Variants in NAALADL2 observed in about 807,000 individuals in gnomAD.
The protein encoded by NAALADL2 is inactive N-acetylated-alpha-linked acidic dipeptidase-like protein 2.
Under a neutral mutation model 87.2 loss-of-function variants are expected in NAALADL2, and 76 were observed. The ratio of observed to expected loss-of-function variants is 0.87; its 90% CI spans 0.72 to 1.05. The LOEUF (loss-of-function observed/expected upper bound fraction) is 1.05. Ranked by LOEUF, NAALADL2 falls within the 50% of genes least tolerant of loss-of-function variation. The pLI is 0.00. For missense variants in NAALADL2, 1,089 were observed against 945.8 expected, an observed-to-expected ratio of 1.15 and a Z score of -1.99; for synonymous variants, 354 against 331.0, an observed-to-expected ratio of 1.07 and a Z score of -0.75.
At chr3:175,226,933 A>G (rs775870905) in intron 2 of NAALADL2, among the ~76,000 whole-genome samples, 1 of 152,104 alleles carries the variant, frequency 6.6e-6, no homozygotes, top group Non-Finnish European at 1.5e-5. Flanking sequence ...TCACACATAT[A>G]TAGTACATGA....
At chr3:174,626,483 T>C (rs1468023907) in intron 2 of NAALADL2, among the ~76,000 whole-genome samples, 1 of 152,100 alleles carries the variant, frequency 6.6e-6, no homozygotes, top group Non-Finnish European at 1.5e-5. Context: ...GTTTTCACCT[T>C]TTGGTTTACA....
chr3:175,394,144 A>T (rs184841622), intron 5 of NAALADL2, among the ~76,000 whole-genome samples: 7 of 152,302 alleles, frequency 4.6e-5, no homozygotes, highest in Middle Eastern at 3.4e-3. Flanking sequence ...TTTCCAACAA[A>T]TAAATTTTAC....
chr3:174,555,926 T>G (rs926501018), intron 2 of NAALADL2, among the ~76,000 whole-genome samples: 4 of 151,948 alleles, frequency 2.6e-5, no homozygotes, highest in Non-Finnish European at 5.9e-5. Context: ...CACCACCCCA[T>G]CGATGTTATT....
intron 4 of NAALADL2, among the ~76,000 whole-genome samples, chr3:175,268,174 G>A (rs974898993): frequency 2.6e-5 from 4 of 152,110 alleles, no homozygotes; most frequent in Admixed American, 2.0e-4. Context: ...AACTTAGATG[G>A]TGTAGCCTAC....
intron 2 of NAALADL2, among the ~76,000 whole-genome samples, chr3:175,120,589 A>G (rs1427907245): frequency 6.6e-6 from 1 of 151,842 alleles, no homozygotes; most frequent in Non-Finnish European, 1.5e-5. Flanking sequence ...TGGTCCAAGT[A>G]TTAATGAATT....
intron 2 of NAALADL2, among the ~76,000 whole-genome samples, chr3:175,225,689 G>GAAA (rs904229982): frequency 6.6e-6 from 1 of 151,864 alleles, no homozygotes; most frequent in Non-Finnish European, 1.5e-5. Flanking sequence ...TCACTTACTT[G>GAAA]AAAAAAATAG....
At chr3:174,806,989 A>G (rs906566361) in intron 3 of NAALADL2, among the ~76,000 whole-genome samples, 1 of 152,142 alleles carries the variant, frequency 6.6e-6, no homozygotes, top group Non-Finnish European at 1.5e-5. Flanking sequence ...AGGTGTCTTG[A>G]TACAGTCACA....
intron 9 of NAALADL2, among the ~76,000 whole-genome samples, chr3:175,478,205 A>G (rs1458156609): frequency 6.6e-6 from 1 of 151,730 alleles, no homozygotes; most frequent in Non-Finnish European, 1.5e-5. Flanking sequence ...TTCTGGGGGT[A>G]CTCCTTAATT....
chr3:174,724,838 A>G (rs1309022114), intron 2 of NAALADL2, among the ~76,000 whole-genome samples: 2 of 152,146 alleles, frequency 1.3e-5, no homozygotes, highest in East Asian at 1.9e-4. Flanking sequence ...TATACTATAA[A>G]TGGATTATGT....
intron 1 of NAALADL2, among the ~76,000 whole-genome samples, chr3:175,018,887 A>C (rs1304357794): frequency 1.3e-5 from 2 of 152,064 alleles, no homozygotes; most frequent in African/African-American, 4.8e-5. Context: ...ATAAAGGCTG[A>C]CCACTAAAAC....
chr3:175,331,528 T>C (rs1178986918), intron 5 of NAALADL2, among the ~76,000 whole-genome samples: 1 of 152,114 alleles, frequency 6.6e-6, no homozygotes, highest in African/African-American at 2.4e-5. Context: ...GTCACCTCAA[T>C]AGATACAGAA....
At chr3:174,840,912 A>T (rs1397251463) in intron 3 of NAALADL2, among the ~76,000 whole-genome samples, 1 of 152,116 alleles carries the variant, frequency 6.6e-6, no homozygotes, top group Non-Finnish European at 1.5e-5. Flanking sequence ...TCAGCAGGAA[A>T]GTAGAAGTGG....
rs141966366 is a variant in NAALADL2, at chr3:175,210,465, T to C, written c.546-23466T>C. Among the ~76,000 whole-genome samples the C allele has an allele frequency of 1.6e-3, 241 of 151,878 alleles. 1 individual carries two copies. The highest frequency in any genetic ancestry group is 5.5e-3 in the African/African-American group (230 of 41,528). On this transcript the variant is annotated intron_variant, in intron 2 of 13. Transcript: ENST00000454872. ...ATAGGTTTGTGTATGTACATGTTTATGTGTTGTATGTGTGTTCTAGGTGAA... is the reference window on the plus strand; with the variant it reads ...ATAGGTTTGTGTATGTACATGTTTACGTGTTGTATGTGTGTTCTAGGTGAA...
At chr3:174,538,746 C>T (rs1173002141) in intron 1 of NAALADL2, among the ~76,000 whole-genome samples, 1 of 152,116 alleles carries the variant, frequency 6.6e-6, no homozygotes, top group Non-Finnish European at 1.5e-5. Flanking sequence ...CCAGACCTTC[C>T]CTTCTATTGA....
chr3:175,225,814 C>A (rs984178580), intron 2 of NAALADL2, among the ~76,000 whole-genome samples: 6 of 151,998 alleles, frequency 3.9e-5, no homozygotes, highest in African/African-American at 1.2e-4. Context: ...CTTTCAGATA[C>A]CCTATTGTGT....
intron 1 of NAALADL2, among the ~76,000 whole-genome samples, chr3:174,951,997 C>T (rs537750527): frequency 6.6e-6 from 1 of 152,088 alleles, no homozygotes; most frequent in Non-Finnish European, 1.5e-5. Flanking sequence ...TGCTTTTTCT[C>T]TTATCTCTGT....
intron 1 of NAALADL2, among the ~76,000 whole-genome samples, chr3:175,073,227 T>G (rs2109167993): frequency 6.6e-6 from 1 of 152,236 alleles, no homozygotes; most frequent in African/African-American, 2.4e-5. Context: ...AATGCTAATA[T>G]CAGATTTGTT....
chr3:175,169,647 T>A (rs1243304300), intron 2 of NAALADL2, among the ~76,000 whole-genome samples: 1 of 151,796 alleles, frequency 6.6e-6, no homozygotes, highest in African/African-American at 2.4e-5. Flanking sequence ...TTATTTTTTC[T>A]TTATTGCCTT....
At chr3:174,719,951 G>A (rs533025296) in intron 2 of NAALADL2, among the ~76,000 whole-genome samples, 2 of 152,150 alleles carry the variant, frequency 1.3e-5, no homozygotes, top group African/African-American at 4.8e-5. Context: ...GCAGGCATGC[G>A]CCACCATGCC....
Sources: allele counts gnomAD v4.1 joint callset (sites outside exome capture counted in the v4.1 genomes callset), GRCh38; gene constraint gnomAD v4.1.1; transcripts MANE v1.5; gene names NCBI Gene and HGNC (gene_info 2026-07-23, HGNC 2026-07-21).